CHRNA9: variants seen among roughly 807,000 people sequenced by gnomAD.
CHRNA9 encodes the protein neuronal acetylcholine receptor subunit alpha-9.
Under a neutral mutation model 36.8 loss-of-function variants are expected in CHRNA9, and 24 were observed. That is an observed-to-expected ratio of 0.65 (90% CI 0.47 to 0.92). CHRNA9 has a LOEUF of 0.92. CHRNA9 is among the 40% of genes least tolerant of loss of function. CHRNA9 has a pLI of 0.00. For missense variants in CHRNA9, 610 were observed against 601.2 expected (o/e 1.01, Z -0.15); for synonymous variants, 231 against 231.8 (o/e 1.00, Z 0.03).
At chr4:40,337,508 T>C in intron 3 of CHRNA9, 144 bp downstream of exon 3, 1 of 945,758 alleles carries the variant, frequency 1.1e-6, no homozygotes, top group Non-Finnish European at 1.5e-6. Flanking sequence ...ATAAGAGACA[T>C]AGAATCTTAG....
intron 3 of CHRNA9, among the ~76,000 whole-genome samples, chr4:40,344,453 G>T (rs546379310): frequency 4.6e-5 from 7 of 151,672 alleles, no homozygotes; most frequent in Non-Finnish European, 8.8e-5. Context: ...AGAATTGCTT[G>T]AATCCAGGAG....
chr4:40,354,033 T>A lies in CHRNA9; in HGVS notation c.953T>A (p.Ile318Asn), dbSNP rs1351187804. The A allele has an allele frequency of 6.2e-7, 1 of 1,614,160 alleles. No homozygotes were observed. Among genetic ancestry groups the A allele is most frequent in the South Asian group, 1.1e-5 (1 of 91,080 alleles). Residue 318 changes from isoleucine to asparagine, a missense_variant, in exon 5 of 5, where the codon ATC becomes AAC. Physicochemically the swap from Ile to Asn is moderately radical, Grantham distance 149 (BLOSUM62 -3). Transcript: ENST00000310169. The part of the protein sequence containing the change: ...ALITASTALT[I>N]MVMNIHFCGA... ...ATCACAGCCTCCACTGCGTTGACCA[T>A]CATGGTGATGAATATCCACTTCTGT...
chr4:40,354,385 C>G lies in CHRNA9; in HGVS notation c.1305C>G (p.Leu435=), dbSNP rs753133730. ...ATATTGAGTACATCGCCAAGTGCCT[C>G]AAAGACCACAAGGCCACCAATTCCA... The part of the protein sequence containing the change: ...TRNIEYIAKC[L]KDHKATNSKG... Residue 435 remains leucine, a synonymous_variant, in exon 5 of 5, where the codon CTC becomes CTG. Transcript: ENST00000310169. 40 of 1,614,030 alleles carry G rather than the reference C, an allele frequency of 2.5e-5. No homozygotes were observed. The highest frequency in any genetic ancestry group is 8.3e-5 in the Admixed American group (5 of 60,006).
intron 3 of CHRNA9, among the ~76,000 whole-genome samples, chr4:40,345,181 A>T (rs1712603206): frequency 6.6e-6 from 1 of 152,198 alleles, no homozygotes; most frequent in African/African-American, 2.4e-5. Context: ...ATAGGAAGCC[A>T]CTGCAAGTTT....
intron 3 of CHRNA9, among the ~76,000 whole-genome samples, chr4:40,346,725 A>G (rs1458074178): frequency 6.6e-6 from 1 of 152,208 alleles, no homozygotes; most frequent in East Asian, 1.9e-4. Context: ...TGTGGCACCC[A>G]TTTCTAATGA....
At chr4:40,345,758 C>G (rs1045965185) in intron 3 of CHRNA9, among the ~76,000 whole-genome samples, 4 of 152,088 alleles carry the variant, frequency 2.6e-5, no homozygotes, top group African/African-American at 9.7e-5. Flanking sequence ...GGCACGGTGG[C>G]TCACACCTGT....
intron 3 of CHRNA9, among the ~76,000 whole-genome samples, chr4:40,344,659 C>G (rs1712587997): frequency 6.6e-6 from 1 of 152,046 alleles, no homozygotes; most frequent in African/African-American, 2.4e-5. Flanking sequence ...CCCATTTTTA[C>G]AGGTGAGTGA....
intron 3 of CHRNA9, among the ~76,000 whole-genome samples, chr4:40,344,052 G>A (rs1441152026): frequency 6.6e-6 from 1 of 152,154 alleles, no homozygotes; most frequent in African/African-American, 2.4e-5. Flanking sequence ...ATACCACAAA[G>A]GAAGCAGAGG....
chr4:40,344,267 G>A (rs964561608), intron 3 of CHRNA9, among the ~76,000 whole-genome samples: 25 of 152,138 alleles, frequency 1.6e-4, no homozygotes, highest in African/African-American at 5.1e-4. Context: ...ACGGTGGCTC[G>A]TGCCTGTAAT....
At chr4:40,346,809 A>AT (rs1213450736) in intron 3 of CHRNA9, among the ~76,000 whole-genome samples, 4 of 151,458 alleles carry the variant, frequency 2.6e-5, no homozygotes, top group Non-Finnish European at 5.9e-5. Context: ...ATTTTATTTT[A>AT]TTTTTTTGTT....
At position 40,348,958 on chromosome 4, in the gene CHRNA9, C is replaced by T. The variant is rs373261640; in HGVS notation, c.442C>T (p.Pro148Ser). The change falls in exon 4 of 5, where the codon CCG (proline) becomes TCG (serine). Residue 148 changes from proline (P) to serine (S), a missense_variant. Pro to Ser is a moderately conservative substitution (Grantham distance 74). Transcript: ENST00000310169. ...TGATGGGCTGATCACCTGGGATGCA[C>T]CGGCCATCACCAAAAGCTCCTGTGT... ...RYDGLITWDA[P>S]AITKSSCVVD... 40 of 1,614,072 alleles carry T rather than the reference C, an allele frequency of 2.5e-5. No homozygotes were observed. Among genetic ancestry groups the T allele is most frequent in the East Asian group, 1.6e-4 (7 of 44,896 alleles).
chr4:40,337,299 T>C lies in CHRNA9; in HGVS notation c.300T>C (p.Asp100=), dbSNP rs1007437061. ...AYLTWDRDQY[D]GLDSIRIPSD... is the part of the protein sequence containing the mutation. Reference sequence around the variant, plus strand: ...TCACGTGGGACCGAGATCAGTACGATGGCCTAGACTCCATCAGGATCCCCA... The same window carrying C: ...TCACGTGGGACCGAGATCAGTACGACGGCCTAGACTCCATCAGGATCCCCA... The change falls in exon 3 of 5, where the codon GAT becomes GAC. Residue 100 remains aspartate (D), a synonymous_variant. Transcript: ENST00000310169. The C allele has an allele frequency of 1.9e-6, 3 of 1,614,226 alleles. No individual in the cohort carries two copies. Among genetic ancestry groups the C allele is most frequent in the Non-Finnish European group, 2.5e-6 (3 of 1,180,042 alleles).
chr4:40,340,600 A>T (rs1345551190), intron 3 of CHRNA9, among the ~76,000 whole-genome samples: 1 of 152,184 alleles, frequency 6.6e-6, no homozygotes, highest in Non-Finnish European at 1.5e-5. Flanking sequence ...GGTACAGAAC[A>T]TCATAGGCAA....
intron 3 of CHRNA9, among the ~76,000 whole-genome samples, chr4:40,339,416 C>T (rs568811046): frequency 2.0e-5 from 3 of 150,570 alleles, no homozygotes; most frequent in Non-Finnish European, 4.4e-5. Flanking sequence ...GGCATGGTGG[C>T]TCACGCCTGT....
chr4:40,349,325 C>T lies in CHRNA9; in HGVS notation c.809C>T (p.Ser270Phe), dbSNP rs1424109368. ...YLPAASGEKVSLGVTILLAMT... is the reference protein window; with the variant it reads ...YLPAASGEKVFLGVTILLAMT... ...CCAGCAGCCTCCGGAGAAAAGGTCT[C>T]CCTGGGAGTGACCATCCTGTTGGCC... Residue 270 changes from serine (S) to phenylalanine (F), a missense_variant, in exon 4 of 5, where the codon TCC (serine) becomes TTC (phenylalanine). Physicochemically the swap from Ser to Phe is radical, Grantham distance 155. Transcript: ENST00000310169. 3 of 1,614,142 alleles carry T rather than the reference C, an allele frequency of 1.9e-6. No individual in the cohort carries two copies. The highest frequency in any genetic ancestry group is 2.2e-5 in the South Asian group (2 of 91,078).
At chr4:40,344,553 A>G (rs983313529) in intron 3 of CHRNA9, among the ~76,000 whole-genome samples, 18 of 151,594 alleles carry the variant, frequency 1.2e-4, no homozygotes, top group Admixed American at 9.2e-4. Context: ...AAAAAAAGAC[A>G]TTAGATTTAG....
intron 3 of CHRNA9, among the ~76,000 whole-genome samples, chr4:40,339,675 A>C (rs1258281307): frequency 1.3e-5 from 2 of 150,710 alleles, no homozygotes; most frequent in African/African-American, 4.9e-5. Context: ...AAAAAAAAAA[A>C]AAAAAAGGCG....
At chr4:40,353,924 C>A in intron 4 of CHRNA9, 55 bp from the exon 5 acceptor site, 1 of 1,450,264 alleles carries the variant, frequency 6.9e-7, no homozygotes, top group Non-Finnish European at 9.4e-7. Context: ...TGACTCGTGG[C>A]TGTATGAGGA....
In CHRNA9 at chr4:40,349,281, T is replaced by C. The variant is rs1047606194; in HGVS notation, c.765T>C (p.Ala255=). Residue 255 remains alanine, a synonymous_variant, in exon 4 of 5, where the codon GCT becomes GCC. Transcript: ENST00000310169. ...CATGCGTCCTCATATCTTTTCTGGCTCCTCTGAGTTTTTATCTCCCAGCAG... is the reference window on the plus strand; with the variant it reads ...CATGCGTCCTCATATCTTTTCTGGCCCCTCTGAGTTTTTATCTCCCAGCAG... ...LIPCVLISFL[A]PLSFYLPAAS... is the part of the protein sequence containing the mutation. The C allele has an allele frequency of 6.2e-7, 1 of 1,614,010 alleles. No individual in the cohort carries two copies. Among genetic ancestry groups the C allele is most frequent in the Non-Finnish European group, 8.5e-7 (1 of 1,180,018 alleles).
Sources: gnomAD v4.1 joint callset for allele counts (sites outside exome capture counted in the v4.1 genomes callset) on GRCh38, gnomAD v4.1.1 for gene constraint, MANE v1.5 for transcripts, NCBI Gene and HGNC (gene_info 2026-07-23, HGNC 2026-07-21) for gene names.